TNFRSF10A: variants seen among roughly 807,000 people sequenced by gnomAD.
TNFRSF10A encodes the protein tumor necrosis factor receptor superfamily member 10A.
TNFRSF10A carries 44 observed loss-of-function variants against 42.8 expected under a neutral mutation model. The ratio of observed to expected loss-of-function variants is 1.03; its 90% CI spans 0.81 to 1.32. The LOEUF is 1.32. TNFRSF10A is among the 40% of genes most tolerant of loss of function. The pLI, the probability that TNFRSF10A is intolerant of heterozygous loss-of-function variation, is 0.00. For synonymous variants in TNFRSF10A, 259 were observed against 234.2 expected, an observed-to-expected ratio of 1.11 and a Z score of -0.97; for missense variants, 680 against 602.0, an observed-to-expected ratio of 1.13 and a Z score of -1.36.
chr8:23,219,050 A>G (rs1585288604), intron 1 of TNFRSF10A, among the ~76,000 whole-genome samples: 2 of 149,424 alleles, frequency 1.3e-5, no homozygotes, highest in Admixed American at 6.6e-5. Context: ...GGAGTCAAGT[A>G]GGGAGGGATG....
intron 6 of TNFRSF10A, 31 bp downstream of exon 6, chr8:23,200,474 C>A (rs1800890959): frequency 1.2e-6 from 2 of 1,609,668 alleles, no homozygotes; most frequent in Non-Finnish European, 1.7e-6. Context: ...GCAGAGAGTG[C>A]CCAGAGCCCT....
At position 23,225,066 on chromosome 8, in the gene TNFRSF10A, C is replaced by G. The variant is rs755050615; in HGVS notation, c.-5G>C. On this transcript the variant is annotated 5_prime_UTR_variant, in exon 1 of 10. Transcript: ENST00000221132. ...TCTAGCTGGTGGTGGCGCCATCCTG[C>G]CAGGTCAATCCAAGAAGCAGCGTGC... 2.1e-5 allele frequency: 32 copies of G among 1,506,172 alleles called. No homozygotes were observed. The African/African-American group carries it at 4.3e-4, about 20-fold the overall frequency. 93.3% of individuals were successfully genotyped at this position (1,506,172 alleles called of 1,614,324 possible).
chr8:23,208,684 C>A (rs560441694), intron 2 of TNFRSF10A, among the ~76,000 whole-genome samples: 11 of 152,286 alleles, frequency 7.2e-5, no homozygotes, highest in African/African-American at 2.6e-4. Flanking sequence ...TCTCAATCTC[C>A]TGACCTCATG....
intron 1 of TNFRSF10A, among the ~76,000 whole-genome samples, chr8:23,224,054 CG>C (rs1428040616): frequency 2.6e-5 from 4 of 151,982 alleles, no homozygotes; most frequent in Non-Finnish European, 4.4e-5. Flanking sequence ...GGGCCGGGCG[CG>C]GTGGCTCACG....
chr8:23,212,175 T>G lies in TNFRSF10A; in HGVS notation c.344A>C (p.Asp115Ala), dbSNP rs768480167. 4.3e-6 allele frequency: 7 copies of G among 1,613,736 alleles called. No homozygotes were observed. The Admixed American group carries it at 5.0e-5, about 12-fold the overall frequency. Reference protein sequence around the residue: ...PSSAATIKLHDQSIGTQQWEH... With the variant: ...PSSAATIKLHAQSIGTQQWEH... ...CCATTGCTGTGTGCCAATTGATTGATCATGAAGTTTGATGGTTGCAGCTGA... is the reference window on the plus strand; with the variant it reads ...CCATTGCTGTGTGCCAATTGATTGAGCATGAAGTTTGATGGTTGCAGCTGA... The change falls in exon 2 of 10, where the codon GAT (aspartate) becomes GCT (alanine). Residue 115 changes from aspartate to alanine, a missense_variant. Physicochemically the swap from Asp to Ala is moderately radical, Grantham distance 126 (BLOSUM62 -2). Transcript: ENST00000221132.
chr8:23,197,247 C>T, intron 8 of TNFRSF10A, 43 bp from the exon 9 acceptor site: 1 of 1,611,654 alleles, frequency 6.2e-7, no homozygotes, highest in Non-Finnish European at 8.5e-7. Context: ...AGTCAGGGGT[C>T]CTGCAGTCTA....
chr8:23,223,173 C>A (rs1358190943), intron 1 of TNFRSF10A, among the ~76,000 whole-genome samples: 5 of 152,268 alleles, frequency 3.3e-5, no homozygotes, highest in Admixed American at 2.0e-4. Flanking sequence ...TCACGCCATT[C>A]TCCCGCCTCA....
At chr8:23,220,072 G>A (rs1801236811) in intron 1 of TNFRSF10A, among the ~76,000 whole-genome samples, 2 of 152,106 alleles carry the variant, frequency 1.3e-5, no homozygotes, top group East Asian at 1.9e-4. Flanking sequence ...CTGAGGTGCC[G>A]AGTGCACCCT....
intron 2 of TNFRSF10A, among the ~76,000 whole-genome samples, chr8:23,206,337 C>T (rs894677600): frequency 4.6e-5 from 7 of 152,200 alleles, no homozygotes; most frequent in African/African-American, 1.4e-4. Context: ...TTCACATTCA[C>T]TCACCACTCA....
At chr8:23,206,173 G>A (rs1433165779) in intron 2 of TNFRSF10A, among the ~76,000 whole-genome samples, 5 of 151,976 alleles carry the variant, frequency 3.3e-5, no homozygotes, top group East Asian at 1.9e-4. Context: ...GTGTTAAAAC[G>A]AGTGAAAAAG....
chr8:23,221,040 G>A (rs972403114), intron 1 of TNFRSF10A, among the ~76,000 whole-genome samples: 2 of 152,120 alleles, frequency 1.3e-5, no homozygotes, highest in Admixed American at 6.6e-5. Context: ...GTTCCTCCAC[G>A]GCCCCTCCCC....
chr8:23,200,819 T>C, intron 4 of TNFRSF10A, 59 bp from the exon 5 acceptor site: 3 of 1,503,236 alleles, frequency 2.0e-6, no homozygotes, highest in Non-Finnish European at 2.8e-6. Context: ...CCAGGTGGGA[T>C]GAAAGAGGAG....
At chr8:23,197,756 G>T (rs1275731676) in intron 8 of TNFRSF10A, among the ~76,000 whole-genome samples, 1 of 152,162 alleles carries the variant, frequency 6.6e-6, no homozygotes, top group Non-Finnish European at 1.5e-5. Context: ...GTGCCAAAAG[G>T]TTGGGGACCA....
chr8:23,196,317 C>T (rs1217790481), intron 9 of TNFRSF10A, among the ~76,000 whole-genome samples: 1 of 152,144 alleles, frequency 6.6e-6, no homozygotes, highest in African/African-American at 2.4e-5. Context: ...CCTCAGCCTC[C>T]CGAATAGCTG....
At position 23,224,807 on chromosome 8, in the gene TNFRSF10A, C is replaced by T. The variant is rs1211778678; in HGVS notation, c.255G>A (p.Arg85=). The T allele has an allele frequency of 1.3e-6, 2 of 1,567,438 alleles. No homozygotes were observed. The highest frequency in any genetic ancestry group is 2.3e-5 in the East Asian group (1 of 42,578). The change falls in exon 1 of 10, where the codon CGG becomes CGA. Residue 85 remains arginine (R), a synonymous_variant. Coordinates refer to ENST00000221132, the MANE Select transcript of TNFRSF10A (RefSeq NM_003844.4). ...GPRPAREASP[R]LRVHKTFKFV... ...ACTTGAAGGTCTTGTGGACCCGGAG[C>T]CGAGGGCTGGCTTCCCGCGCCGGCC...
intron 2 of TNFRSF10A, among the ~76,000 whole-genome samples, chr8:23,205,959 G>A (rs891382885): frequency 5.9e-5 from 9 of 152,026 alleles, no homozygotes; most frequent in South Asian, 2.1e-4. Flanking sequence ...CTCGTGATCC[G>A]CCTGCCTTGG....
chr8:23,201,265 A>C (rs1182281520), intron 4 of TNFRSF10A, among the ~76,000 whole-genome samples: 1 of 152,132 alleles, frequency 6.6e-6, no homozygotes, highest in Non-Finnish European at 1.5e-5. Flanking sequence ...TTGAGAAATC[A>C]GGGGCCAGGG....
chr8:23,196,202 T>A (rs73222582), intron 9 of TNFRSF10A, among the ~76,000 whole-genome samples: 30,300 of 151,968 alleles, frequency 0.2, 3,440 homozygotes, highest in South Asian at 0.34. Context: ...TGTTACTTTT[T>A]TGTTTTTTTG....
At chr8:23,193,741 G>A (rs1800785382) in intron 9 of TNFRSF10A, among the ~76,000 whole-genome samples, 1 of 152,218 alleles carries the variant, frequency 6.6e-6, no homozygotes, top group African/African-American at 2.4e-5. Flanking sequence ...CACTCTTGGA[G>A]CTTGTTTGTT....
Sources: gnomAD v4.1 joint callset for allele counts (sites outside exome capture counted in the v4.1 genomes callset) on GRCh38, gnomAD v4.1.1 for gene constraint, MANE v1.5 for transcripts, NCBI Gene and HGNC (gene_info 2026-07-23, HGNC 2026-07-21) for gene names.